USP4: variants seen among roughly 807,000 people sequenced by gnomAD.
The protein encoded by USP4 is ubiquitin specific peptidase 4.
A neutral mutation model predicts 118.2 loss-of-function variants in USP4; 72 were observed. The ratio of observed to expected loss-of-function variants is 0.61; its 90% CI spans 0.50 to 0.74. The LOEUF is 0.74. USP4 is among the 30% of genes least tolerant of loss of function. USP4 has a pLI of 0.00. For synonymous variants in USP4, 415 were observed against 440.4 expected (o/e 0.94, Z 0.72); for missense variants, 1,037 against 1,185.7 (o/e 0.87, Z 1.84).
intron 19 of USP4, among the ~76,000 whole-genome samples, chr3:49,282,340 T>C (rs1316220180): frequency 6.6e-6 from 1 of 152,022 alleles, no homozygotes; most frequent in Non-Finnish European, 1.5e-5. Context: ...AGTGGCGCGA[T>C]CTTGACTCAC....
chr3:49,295,749 A>T (rs895311313), intron 13 of USP4, among the ~76,000 whole-genome samples: 5 of 143,820 alleles, frequency 3.5e-5, no homozygotes, highest in African/African-American at 1.5e-4. Context: ...CCCCTCCCCA[A>T]ATGCCTAGCA....
intron 6 of USP4, chr3:49,317,351 CCTCCTCCTGCTGGATCTGCCAGCACAG>C: frequency 2.5e-6 from 3 of 1,213,144 alleles, no homozygotes; most frequent in Non-Finnish European, 1.2e-6. Flanking sequence ...TGTTTCTTGT[CCTCCTCCTGCTGGATCTGCCAGCACAG>C]CTCCTCCTGC....
chr3:49,301,613 G>A (rs975793339), intron 10 of USP4, among the ~76,000 whole-genome samples: 13 of 151,992 alleles, frequency 8.6e-5, no homozygotes, highest in East Asian at 1.9e-4. Flanking sequence ...GCTTGAACCC[G>A]GGAGGTGGAG....
chr3:49,333,278 C>T lies in USP4; in HGVS notation c.229+2191G>A, dbSNP rs1353295646. ...ATCTCCCAGGCAACATGACAAAACTCCATCTCTACAAAAAGAAAAAATAAA... is the reference window on the plus strand; with the variant it reads ...ATCTCCCAGGCAACATGACAAAACTTCATCTCTACAAAAAGAAAAAATAAA... On this transcript the variant is annotated intron_variant, in intron 2 of 21. Coordinates refer to ENST00000265560, the MANE Select transcript of USP4 (RefSeq NM_003363.4). Among the ~76,000 whole-genome samples the T allele has an allele frequency of 6.6e-5, 10 of 151,596 alleles. No homozygotes were observed. The South Asian group carries it at 2.1e-3, about 32-fold the overall frequency.
At chr3:49,339,079 G>A (rs1483759654) in intron 1 of USP4, among the ~76,000 whole-genome samples, 1 of 152,120 alleles carries the variant, frequency 6.6e-6, no homozygotes, top group Non-Finnish European at 1.5e-5. Flanking sequence ...CCCGGGAGGC[G>A]GAGGTTGCCG....
At chr3:49,292,407 C>G in intron 15 of USP4, 103 bp downstream of exon 15, 1 of 697,858 alleles carries the variant, frequency 1.4e-6, no homozygotes, top group Non-Finnish European at 2.3e-6. Context: ...GAGCCCCAAC[C>G]CAGTCCCAAC....
chr3:49,315,423 A>G (rs1226545570), intron 6 of USP4, among the ~76,000 whole-genome samples: 1 of 152,188 alleles, frequency 6.6e-6, no homozygotes, highest in Non-Finnish European at 1.5e-5. Context: ...AATCTGGGAA[A>G]TGCTGAGCAC....
intron 9 of USP4, among the ~76,000 whole-genome samples, chr3:49,305,034 T>C (rs2047298785): frequency 1.3e-5 from 2 of 150,414 alleles, no homozygotes; most frequent in Non-Finnish European, 3.0e-5. Context: ...AGTGCTGGGA[T>C]TACAGGAATG....
intron 1 of USP4, among the ~76,000 whole-genome samples, chr3:49,338,388 A>T (rs2047693889): frequency 6.6e-6 from 1 of 151,960 alleles, no homozygotes; most frequent in Admixed American, 6.6e-5. Context: ...GGCCGGGCGC[A>T]GTAGCTTCCG....
chr3:49,310,240 A>G (rs959481442), intron 8 of USP4, among the ~76,000 whole-genome samples: 4 of 152,110 alleles, frequency 2.6e-5, no homozygotes, highest in African/African-American at 9.7e-5. Flanking sequence ...AGCTATTTTT[A>G]GTGAAAAGGT....
chr3:49,285,428 G>C (rs531354932), intron 16 of USP4, among the ~76,000 whole-genome samples: 1 of 152,234 alleles, frequency 6.6e-6, no homozygotes, highest in African/African-American at 2.4e-5. Context: ...TGAGAAGATG[G>C]CTAGAATTTG....
intron 2 of USP4, among the ~76,000 whole-genome samples, chr3:49,331,373 C>T (rs900761966): frequency 4.0e-5 from 6 of 151,004 alleles, no homozygotes; most frequent in African/African-American, 1.5e-4. Context: ...GTAATCCCAG[C>T]ACTTAGGGAG....
intron 15 of USP4, among the ~76,000 whole-genome samples, chr3:49,289,678 C>T (rs1448298854): frequency 2.0e-5 from 3 of 152,080 alleles, no homozygotes; most frequent in Non-Finnish European, 2.9e-5. Flanking sequence ...CGAGACCAGC[C>T]TGGCCAAGAT....
At chr3:49,279,649 G>A (rs1384411966) in intron 20 of USP4, among the ~76,000 whole-genome samples, 1 of 152,090 alleles carries the variant, frequency 6.6e-6, no homozygotes, top group Admixed American at 6.5e-5. Context: ...AGAACCCAAT[G>A]GAGATCTGAT....
At chr3:49,318,586 GT>G (rs2047465951) in intron 6 of USP4, 1 of 985,252 alleles carries the variant, frequency 1.0e-6, no homozygotes, top group South Asian at 4.7e-5. Flanking sequence ...TTACAAGGTG[GT>G]CCTCATTAGT....
intron 6 of USP4, among the ~76,000 whole-genome samples, chr3:49,319,384 G>A (rs1206746711): frequency 2.0e-5 from 3 of 151,682 alleles, no homozygotes; most frequent in Admixed American, 2.0e-4. Context: ...GAGTAGCTGG[G>A]ACTACAGGAG....
At chr3:49,298,474 G>A in intron 12 of USP4, 78 bp downstream of exon 12, 2 of 1,400,550 alleles carry the variant, frequency 1.4e-6, no homozygotes, top group East Asian at 4.6e-5. Context: ...CCAAAAAGTG[G>A]CTTCAAGGTT....
At chr3:49,300,836 C>G in intron 10 of USP4, 145 bp from the exon 11 acceptor site, 2 of 701,086 alleles carry the variant, frequency 2.9e-6, no homozygotes, top group South Asian at 3.7e-5. Flanking sequence ...AAGGCCAGGA[C>G]TACTCTTAGT....
At position 49,298,652 on chromosome 3, in the gene USP4, G is replaced by C. The variant is rs1289018948; in HGVS notation, c.1513-17C>G. On this transcript the variant is annotated splice_polypyrimidine_tract_variant and intron_variant, in intron 11 of 21. Transcript: ENST00000265560. ...CACACGGTACTGCAAGACAGAGATG[G>C]TCAAGGTCACAGGGGTGCCCCACAA... The C allele has an allele frequency of 6.2e-7, 1 of 1,613,390 alleles. No homozygotes were observed. Among genetic ancestry groups the C allele is most frequent in the Non-Finnish European group, 8.5e-7 (1 of 1,179,338 alleles).
Sources: allele counts gnomAD v4.1 joint callset (sites outside exome capture counted in the v4.1 genomes callset), GRCh38; gene constraint gnomAD v4.1.1; transcripts MANE v1.5; gene names NCBI Gene and HGNC (gene_info 2026-07-23, HGNC 2026-07-21).